PTN: variants seen among roughly 807,000 people sequenced by gnomAD.
The protein encoded by PTN is heparin affin regulatory protein.
A neutral mutation model predicts 24.1 loss-of-function variants in PTN; 18 were observed. The observed-to-expected ratio is 0.75, with a 90% CI of 0.52 to 1.11. The LOEUF is 1.11. PTN is among the 50% of genes least tolerant of loss of function. PTN has a pLI of 0.00. For missense variants in PTN, 163 were observed against 198.8 expected (o/e 0.82, Z 1.08); for synonymous variants, 78 against 68.6 (o/e 1.14, Z -0.67).
At chr7:137,247,295 G>C (rs1400767072) in intron 4 of PTN, among the ~76,000 whole-genome samples, 4 of 152,156 alleles carry the variant, frequency 2.6e-5, no homozygotes, top group Non-Finnish European at 4.4e-5. Context: ...AACAGATAAA[G>C]AAAATGTGGT....
intron 1 of PTN, among the ~76,000 whole-genome samples, chr7:137,268,446 T>C (rs527992520): frequency 6.6e-6 from 1 of 151,984 alleles, no homozygotes; most frequent in East Asian, 2.0e-4. Flanking sequence ...TCTTAAAATC[T>C]GAGCTCCTCA....
chr7:137,259,498 T>C (rs952573701), intron 1 of PTN, among the ~76,000 whole-genome samples: 1 of 152,022 alleles, frequency 6.6e-6, no homozygotes, highest in Admixed American at 6.6e-5. Flanking sequence ...GAGAGACTTG[T>C]CATGAAGATT....
intron 1 of PTN, among the ~76,000 whole-genome samples, chr7:137,256,566 T>C (rs757887984): frequency 6.6e-6 from 1 of 152,218 alleles, no homozygotes; most frequent in Non-Finnish European, 1.5e-5. Flanking sequence ...CAGTCTATCA[T>C]TGATAAGCTT....
chr7:137,330,630 T>C (rs529604719), intron 1 of PTN, among the ~76,000 whole-genome samples: 1 of 152,288 alleles, frequency 6.6e-6, no homozygotes, highest in East Asian at 1.9e-4. Context: ...ATGGAAGAGT[T>C]GGCTTCAGGG....
At chr7:137,256,742 C>T (rs322317) in intron 1 of PTN, among the ~76,000 whole-genome samples, 41,395 of 151,876 alleles carry the variant, frequency 0.27, 5,798 homozygotes, top group South Asian at 0.38. Flanking sequence ...ATCACCACAC[C>T]GTTTTCCACA....
At chr7:137,246,427 T>C (rs1808724692) in intron 4 of PTN, among the ~76,000 whole-genome samples, 1 of 152,188 alleles carries the variant, frequency 6.6e-6, no homozygotes, top group South Asian at 2.1e-4. Flanking sequence ...AGGATACATT[T>C]CTTAGAACAT....
At chr7:137,245,483 T>C (rs1808707143) in intron 4 of PTN, among the ~76,000 whole-genome samples, 2 of 152,226 alleles carry the variant, frequency 1.3e-5, no homozygotes, top group African/African-American at 2.4e-5. Context: ...CTTATAAAAG[T>C]GTAACACAGA....
At chr7:137,281,423 C>T (rs1809472337) in intron 1 of PTN, among the ~76,000 whole-genome samples, 1 of 152,140 alleles carries the variant, frequency 6.6e-6, no homozygotes, top group African/African-American at 2.4e-5. Flanking sequence ...TTTTATAAAG[C>T]TCTAAGAATG....
intron 1 of PTN, 88 bp from the exon 2 acceptor site, chr7:137,255,062 T>A: frequency 1.2e-6 from 1 of 829,680 alleles, no homozygotes; most frequent in Non-Finnish European, 1.7e-6. Context: ...AAGGCTCCAC[T>A]TTCCATTTCT....
chr7:137,263,432 G>A (rs1809078474), intron 1 of PTN, among the ~76,000 whole-genome samples: 1 of 152,198 alleles, frequency 6.6e-6, no homozygotes, highest in African/African-American at 2.4e-5. Context: ...CTAGCAAGTA[G>A]TCGAGAGCCA....
At chr7:137,239,342 A>T (rs1808579126) in intron 4 of PTN, among the ~76,000 whole-genome samples, 3 of 152,060 alleles carry the variant, frequency 2.0e-5, no homozygotes, top group Admixed American at 2.0e-4. Flanking sequence ...GAGTTTTCTC[A>T]TGGGCTAGGG....
At position 137,283,952 on chromosome 7, in the gene PTN, A is replaced by ATT. The variant is rs753374720; in HGVS notation, c.-1-28980_-1-28979dup. On this transcript the variant is annotated intron_variant, in intron 1 of 4. Transcript: ENST00000348225. ...AAATGAATGTGAAAATGAGCATCAG[A>ATT]TTTTTTTTTTTTTTTTTTTTTTTTT... 4.1e-3 allele frequency among the ~76,000 whole-genome samples: 202 copies of ATT among 48,920 alleles called. 46 individuals are homozygous for ATT. Among genetic ancestry groups the ATT allele is most frequent in the African/African-American group, 0.011 (116 of 10,352 alleles). The allele number at this position is 48,920 out of a possible 152,430, so 32.1% of individuals were successfully genotyped here.
chr7:137,339,238 G>A (rs1810495054), intron 1 of PTN, among the ~76,000 whole-genome samples: 1 of 151,944 alleles, frequency 6.6e-6, no homozygotes, highest in South Asian at 2.1e-4. Flanking sequence ...TTCTAATAAA[G>A]AATTTCACAA....
In PTN at chr7:137,227,841, G is replaced by T; in HGVS notation, c.*179C>A. On this transcript the variant is annotated 3_prime_UTR_variant, in exon 5 of 5. Transcript: ENST00000348225. Reference sequence around the variant, plus strand: ...CAGTCCTTTATTATAAGCCCCTACTGGTACTATAGTATACATTTAAAAAAC... The same window carrying T: ...CAGTCCTTTATTATAAGCCCCTACTTGTACTATAGTATACATTTAAAAAAC... The T allele has an allele frequency of 2.0e-6, 1 of 505,200 alleles. No homozygotes were observed. The highest frequency in any genetic ancestry group is 3.2e-6 in the Non-Finnish European group (1 of 308,598). The allele number at this position is 505,200 out of a possible 1,614,324, so 31.3% of individuals were successfully genotyped here. A position where few individuals can be genotyped will look rare whatever the true frequency, so the allele number is the denominator to read the frequency against.
At chr7:137,290,109 AGC>A (rs1809616581) in intron 1 of PTN, among the ~76,000 whole-genome samples, 3 of 152,192 alleles carry the variant, frequency 2.0e-5, no homozygotes, top group Admixed American at 6.5e-5. Flanking sequence ...CATGGATGGC[AGC>A]AGCCAAAAAG....
intron 1 of PTN, among the ~76,000 whole-genome samples, chr7:137,327,760 T>C (rs1439744374): frequency 6.6e-6 from 1 of 152,234 alleles, no homozygotes; most frequent in East Asian, 1.9e-4. Flanking sequence ...ACATTTGATT[T>C]TCCAGCTCTA....
intron 1 of PTN, among the ~76,000 whole-genome samples, chr7:137,287,241 A>G (rs1484834766): frequency 6.6e-6 from 1 of 152,154 alleles, no homozygotes; most frequent in Non-Finnish European, 1.5e-5. Context: ...GGCATTTCAC[A>G]TGCACAATTT....
chr7:137,276,691 G>A (rs77898822), intron 1 of PTN, among the ~76,000 whole-genome samples: 14,901 of 152,096 alleles, frequency 0.098, 902 homozygotes, highest in South Asian at 0.26. Flanking sequence ...CCAGACTCAT[G>A]CAAGTTAACT....
intron 1 of PTN, among the ~76,000 whole-genome samples, chr7:137,313,245 AG>A (rs1810013806): frequency 6.6e-6 from 1 of 152,094 alleles, no homozygotes; most frequent in African/African-American, 2.4e-5. Flanking sequence ...GCAAGCAGAA[AG>A]GGAAAAGCAA....
Sources: gnomAD v4.1 joint callset for allele counts (sites outside exome capture counted in the v4.1 genomes callset) on GRCh38, gnomAD v4.1.1 for gene constraint, MANE v1.5 for transcripts, NCBI Gene and HGNC (gene_info 2026-07-23, HGNC 2026-07-21) for gene names.